The following SNTB2 variants were observed in gnomAD, a reference collection of about 807,000 sequenced individuals.
SNTB2 encodes the protein beta-2-syntrophin.
SNTB2 carries 34 observed loss-of-function variants against 46.2 expected under a neutral mutation model. That is an observed-to-expected ratio of 0.74 (90% CI 0.56 to 0.98). The LOEUF is 0.98. Among genes scored for constraint, SNTB2 ranks in the 50% least tolerant of loss-of-function variants. The probability of loss-of-function intolerance (pLI) is 0.00; values close to 1 mark genes in which losing one functional copy is unlikely to be tolerated. For synonymous variants in SNTB2, 290 were observed against 312.6 expected (o/e 0.93, Z 0.76); for missense variants, 603 against 731.4 (o/e 0.82, Z 2.02).
chr16:69,235,648 A>C, intron 1 of SNTB2: 1 of 1,205,808 alleles, frequency 8.3e-7, no homozygotes, highest in East Asian at 6.0e-5. Context: ...AGAAAGAAAG[A>C]AAACAAAACA....
At chr16:69,278,109 G>A (rs970701411) in intron 4 of SNTB2, among the ~76,000 whole-genome samples, 2 of 152,158 alleles carry the variant, frequency 1.3e-5, no homozygotes, top group African/African-American at 2.4e-5. Flanking sequence ...TTGAGCTCAG[G>A]AGTTCAAGAT....
chr16:69,280,860 C>T (rs142242434), intron 4 of SNTB2, among the ~76,000 whole-genome samples: 8,698 of 151,148 alleles, frequency 0.058, 261 homozygotes, highest in South Asian at 0.074. Context: ...TGCAGTGGCG[C>T]AGTCTTGGCT....
chr16:69,222,759 G>C (rs918834140), intron 1 of SNTB2, among the ~76,000 whole-genome samples: 1 of 152,130 alleles, frequency 6.6e-6, no homozygotes, highest in Admixed American at 6.6e-5. Flanking sequence ...CTCTTTTCCA[G>C]ATTTTCTGTG....
At chr16:69,192,509 A>G (rs1014056783) in intron 1 of SNTB2, among the ~76,000 whole-genome samples, 15 of 152,214 alleles carry the variant, frequency 9.9e-5, no homozygotes, top group African/African-American at 3.6e-4. Context: ...GTTTGCGAAG[A>G]AAAATTTTAG....
At chr16:69,241,615 C>T (rs914450131) in intron 1 of SNTB2, among the ~76,000 whole-genome samples, 8 of 150,608 alleles carry the variant, frequency 5.3e-5, no homozygotes, top group Admixed American at 2.0e-4. Flanking sequence ...GGTGAAACCC[C>T]GTCTCTACTA....
intron 1 of SNTB2, among the ~76,000 whole-genome samples, chr16:69,240,068 G>A (rs958537119): frequency 2.0e-5 from 3 of 152,074 alleles, no homozygotes; most frequent in African/African-American, 4.8e-5. Context: ...TGGTACTTAC[G>A]AATAGAGCTG....
intron 5 of SNTB2, among the ~76,000 whole-genome samples, chr16:69,296,579 A>C (rs1340744337): frequency 3.3e-5 from 5 of 151,046 alleles, no homozygotes; most frequent in African/African-American, 4.9e-5. Flanking sequence ...AAAATCAGCC[A>C]GGCCTGGTGG....
chr16:69,264,382 C>T (rs1964865705), intron 3 of SNTB2, among the ~76,000 whole-genome samples: 2 of 152,108 alleles, frequency 1.3e-5, no homozygotes, highest in African/African-American at 4.8e-5. Flanking sequence ...ATGACATATA[C>T]TGCATATTTT....
chr16:69,223,421 C>T (rs942919521), intron 1 of SNTB2, among the ~76,000 whole-genome samples: 1 of 152,080 alleles, frequency 6.6e-6, no homozygotes, highest in Non-Finnish European at 1.5e-5. Flanking sequence ...TTTCCAATTC[C>T]TGACTTCAGG....
At chr16:69,191,506 G>A (rs997345528) in intron 1 of SNTB2, among the ~76,000 whole-genome samples, 1 of 44,466 alleles carries the variant, frequency 2.2e-5, no homozygotes, top group Non-Finnish European at 4.7e-5. Context: ...AGGCTACAGT[G>A]GTGATTGTGC....
intron 4 of SNTB2, among the ~76,000 whole-genome samples, chr16:69,281,990 C>T (rs1479150209): frequency 1.4e-5 from 2 of 148,054 alleles, no homozygotes; most frequent in Non-Finnish European, 3.0e-5. Context: ...CTGCAACCTC[C>T]ACCTTCCCGG....
At chr16:69,248,290 G>A (rs1964690395) in intron 2 of SNTB2, among the ~76,000 whole-genome samples, 1 of 152,158 alleles carries the variant, frequency 6.6e-6, no homozygotes. Context: ...TCATCTAAGT[G>A]CAACACAGCT....
chr16:69,272,889 CA>C (rs34011617), intron 4 of SNTB2, among the ~76,000 whole-genome samples: 219 of 80,726 alleles, frequency 2.7e-3, no homozygotes, highest in African/African-American at 6.4e-3. Context: ...GACTCTGTCT[CA>C]AAAAAAAAAA....
intron 2 of SNTB2, among the ~76,000 whole-genome samples, chr16:69,251,102 C>T (rs1359101370): frequency 6.7e-6 from 1 of 149,518 alleles, no homozygotes; most frequent in Non-Finnish European, 1.5e-5. Flanking sequence ...CCTCAGCCTC[C>T]CAAGTAGCTG....
At chr16:69,279,922 A>C (rs1965023646) in intron 4 of SNTB2, among the ~76,000 whole-genome samples, 1 of 151,868 alleles carries the variant, frequency 6.6e-6, no homozygotes, top group Non-Finnish European at 1.5e-5. Flanking sequence ...GGGATTTGGC[A>C]GGGTCATAGG....
At chr16:69,251,264 C>T (rs918059931) in intron 2 of SNTB2, among the ~76,000 whole-genome samples, 6 of 151,504 alleles carry the variant, frequency 4.0e-5, no homozygotes, top group Non-Finnish European at 7.4e-5. Context: ...AGGCGTGAGC[C>T]ACTGCACCCG....
At chr16:69,246,415 T>G (rs998090049) in intron 2 of SNTB2, among the ~76,000 whole-genome samples, 1 of 151,050 alleles carries the variant, frequency 6.6e-6, no homozygotes, top group African/African-American at 2.4e-5. Flanking sequence ...TGAAGCCCAC[T>G]TGATTATGGT....
rs534433022 is a variant in SNTB2, at chr16:69,245,463, G to A, written c.581-139G>A. On this transcript the variant is annotated intron_variant, in intron 1 of 6. Transcript: ENST00000336278. ...ACCCGCCTCGGCCTCCCAAAGTGCT[G>A]GGATTACAGGAGTGAGCCACCGCGC... The A allele has an allele frequency of 3.8e-6, 3 of 781,538 alleles. No homozygotes were observed. The Admixed American group carries it at 6.9e-5, about 18-fold the overall frequency. 48.4% of individuals were successfully genotyped at this position (781,538 alleles called of 1,614,324 possible).
At chr16:69,256,471 G>C (rs79314717) in intron 2 of SNTB2, among the ~76,000 whole-genome samples, 1 of 151,976 alleles carries the variant, frequency 6.6e-6, no homozygotes, top group East Asian at 1.9e-4. Flanking sequence ...TCTACTCATT[G>C]AAAAACTCCC....
Sources: gnomAD v4.1 joint callset for allele counts (sites outside exome capture counted in the v4.1 genomes callset) on GRCh38, gnomAD v4.1.1 for gene constraint, MANE v1.5 for transcripts, NCBI Gene and HGNC (gene_info 2026-07-23, HGNC 2026-07-21) for gene names.